Variants in SLCO6A1 observed in about 807,000 individuals in gnomAD.
SLCO6A1 encodes solute carrier organic anion transporter family member 6A1.
Under a neutral mutation model 72.7 loss-of-function variants are expected in SLCO6A1, and 65 were observed. That is an observed-to-expected ratio of 0.89 (90% confidence interval 0.73 to 1.10). SLCO6A1 has a LOEUF of 1.10. Ranked by LOEUF, SLCO6A1 falls within the 50% of genes least tolerant of loss-of-function variation. The probability of loss-of-function intolerance (pLI) is 0.00; values close to 1 mark genes in which losing one functional copy is unlikely to be tolerated. For synonymous variants in SLCO6A1, 314 were observed against 298.2 expected, an observed-to-expected ratio of 1.05 and a Z score of -0.55; for missense variants, 874 against 872.6, an observed-to-expected ratio of 1.00 and a Z score of -0.02.
At position 102,386,471 on chromosome 5, in the gene SLCO6A1, G is replaced by A. The variant is rs116074157; in HGVS notation, c.2017+2217C>T. Among the ~76,000 whole-genome samples, 1,050 of 152,252 alleles carry A rather than the reference G, an allele frequency of 6.9e-3. 8 individuals carry two copies. The highest frequency in any genetic ancestry group is 0.021 in the African/African-American group (864 of 41,560). On this transcript the variant is annotated intron_variant, in intron 12 of 13. Transcript: ENST00000506729. The stretch of plus-strand genomic sequence containing the variant: ...ATTGGGGTCTACTGGAGTGAGCCTG[G>A]ACCTTACGTCCATTGGAACCTAGGG...
At chr5:102,390,589 T>C (rs1746699195) in intron 11 of SLCO6A1, among the ~76,000 whole-genome samples, 1 of 152,100 alleles carries the variant, frequency 6.6e-6, no homozygotes, top group African/African-American at 2.4e-5. Context: ...TTGAAAACAT[T>C]AGATTCAATG....
intron 12 of SLCO6A1, among the ~76,000 whole-genome samples, chr5:102,388,081 T>C (rs1417645807): frequency 6.6e-6 from 1 of 152,144 alleles, no homozygotes; most frequent in Admixed American, 6.5e-5. Context: ...TAAGAGTGGC[T>C]TGATGTTCTC....
At position 102,380,904 on chromosome 5, in the gene SLCO6A1, T is replaced by A. The variant is rs183841725; in HGVS notation, c.2018-7410A>T. On this transcript the variant is annotated intron_variant, in intron 12 of 13. Coordinates refer to ENST00000506729, the MANE Select transcript of SLCO6A1 (RefSeq NM_173488.5). ...CTGAGTACTTTATTTAGAGTAAGCA[T>A]GCCAACCACCAGTCCATGGAATTCT... Among the ~76,000 whole-genome samples the A allele has an allele frequency of 2.7e-3, 405 of 152,046 alleles. 1 individual carries two copies. The highest frequency in any genetic ancestry group is 9.4e-3 in the African/African-American group (391 of 41,534).
intron 1 of SLCO6A1, among the ~76,000 whole-genome samples, chr5:102,484,826 TC>T (rs1561499806): frequency 6.6e-6 from 1 of 152,198 alleles, no homozygotes; most frequent in Non-Finnish European, 1.5e-5. Context: ...AGCCATACTA[TC>T]CTTAATAAAA....
chr5:102,401,510 G>C (rs1747396890), intron 9 of SLCO6A1, among the ~76,000 whole-genome samples: 1 of 152,086 alleles, frequency 6.6e-6, no homozygotes, highest in Non-Finnish European at 1.5e-5. Flanking sequence ...ACAGTTAAAA[G>C]TCTATAAAAT....
chr5:102,498,850 A>G lies in SLCO6A1; in HGVS notation c.-6T>C. On this transcript the variant is annotated 5_prime_UTR_variant, in exon 1 of 14. Transcript: ENST00000506729. ...CGGGCGACGCCTACGAACATGGCTCACCCTGGGCGGCTCCTGGCGACGCGG... is the reference window on the plus strand; with the variant it reads ...CGGGCGACGCCTACGAACATGGCTCGCCCTGGGCGGCTCCTGGCGACGCGG... The G allele has an allele frequency of 6.3e-7, 1 of 1,597,666 alleles. No homozygotes were observed. The highest frequency in any genetic ancestry group is 1.7e-5 in the Admixed American group (1 of 58,610).
intron 9 of SLCO6A1, among the ~76,000 whole-genome samples, chr5:102,401,589 G>T (rs1747400189): frequency 6.6e-6 from 1 of 152,066 alleles, no homozygotes; most frequent in African/African-American, 2.4e-5. Flanking sequence ...GCCAAATTCA[G>T]AGTTTACTTT....
At chr5:102,396,000 A>T (rs1272033154) in intron 10 of SLCO6A1, among the ~76,000 whole-genome samples, 5 of 151,596 alleles carry the variant, frequency 3.3e-5, no homozygotes, top group Non-Finnish European at 7.4e-5. Flanking sequence ...TTGCCTGTTC[A>T]CTCTGATGGT....
intron 4 of SLCO6A1, among the ~76,000 whole-genome samples, chr5:102,472,998 A>G (rs1751705599): frequency 6.6e-6 from 1 of 151,990 alleles, no homozygotes; most frequent in Non-Finnish European, 1.5e-5. Flanking sequence ...AAACCTCCCA[A>G]CAGAGGAAAG....
In SLCO6A1 at chr5:102,404,872, G is replaced by A. The variant is rs141187187; in HGVS notation, c.1627-5130C>T. Among the ~76,000 whole-genome samples the A allele has an allele frequency of 2.1e-3, 318 of 152,216 alleles. 3 individuals carry two copies. The highest frequency in any genetic ancestry group is 7.3e-3 in the African/African-American group (302 of 41,544). ...TTAAACCAAAGAGCAAGGATGAGAA[G>A]AGAGAAGTAAGTTCTACATTTGATG... On this transcript the variant is annotated intron_variant, in intron 9 of 13. Coordinates refer to ENST00000506729, the MANE Select transcript of SLCO6A1 (RefSeq NM_173488.5).
At chr5:102,466,811 A>T (rs1751337648) in intron 4 of SLCO6A1, among the ~76,000 whole-genome samples, 1 of 152,138 alleles carries the variant, frequency 6.6e-6, no homozygotes, top group Non-Finnish European at 1.5e-5. Context: ...GACCACATGT[A>T]TGTCTTCTTT....
intron 7 of SLCO6A1, among the ~76,000 whole-genome samples, chr5:102,425,657 G>T (rs1399486051): frequency 1.3e-5 from 2 of 152,102 alleles, no homozygotes; most frequent in East Asian, 1.9e-4. Flanking sequence ...CATGCTCATG[G>T]ATAGGAAGAA....
At chr5:102,406,750 A>G (rs1461095075) in intron 9 of SLCO6A1, among the ~76,000 whole-genome samples, 1 of 152,236 alleles carries the variant, frequency 6.6e-6, no homozygotes, top group Non-Finnish European at 1.5e-5. Flanking sequence ...TATTCTAAAA[A>G]AAAACATTAA....
At chr5:102,380,198 T>C (rs531507224) in intron 12 of SLCO6A1, among the ~76,000 whole-genome samples, 1 of 152,078 alleles carries the variant, frequency 6.6e-6, no homozygotes, top group South Asian at 2.1e-4. Context: ...TTCTTATATA[T>C]GTATATATTA....
rs754933039 is a variant in SLCO6A1, at chr5:102,477,850, C to A, written c.628G>T (p.Glu210Ter). The A allele has an allele frequency of 3.1e-6, 5 of 1,596,228 alleles. No individual in the cohort carries two copies. Among genetic ancestry groups the A allele is most frequent in the Non-Finnish European group, 8.5e-7 (1 of 1,171,404 alleles). ...TGGCAACCACTGACAACCTTTATTTCTTCGCAAATATCTTTTGAAAATACA... is the reference window on the plus strand; with the variant it reads ...TGGCAACCACTGACAACCTTTATTTATTCGCAAATATCTTTTGAAAATACA... Reference protein sequence around the residue: ...SKVGIEDICEEIKVVSGCQSS... With the variant: ...SKVGIEDICE Residue 210 changes from glutamate to a stop codon, truncating the protein, a stop_gained, in exon 3 of 14, where the codon GAA becomes TAA. Transcript: ENST00000506729. LOFTEE classifies it high-confidence loss of function.
intron 10 of SLCO6A1, 175 bp from the exon 11 acceptor site, chr5:102,391,220 C>G: frequency 1.7e-6 from 1 of 589,540 alleles, no homozygotes; most frequent in Non-Finnish European, 3.0e-6. Context: ...CCCCATTTCT[C>G]CATATCCTGC....
chr5:102,473,273 T>C (rs953267018), intron 4 of SLCO6A1, among the ~76,000 whole-genome samples: 1 of 151,956 alleles, frequency 6.6e-6, no homozygotes, highest in Non-Finnish European at 1.5e-5. Context: ...GGAATATACA[T>C]CATAATCAAG....
chr5:102,429,624 C>G (rs1239472030), intron 7 of SLCO6A1, among the ~76,000 whole-genome samples: 1 of 151,112 alleles, frequency 6.6e-6, no homozygotes, highest in Non-Finnish European at 1.5e-5. Flanking sequence ...AGGTGTGTGG[C>G]CTTACTTCTG....
intron 7 of SLCO6A1, among the ~76,000 whole-genome samples, chr5:102,437,800 A>G (rs1749625297): frequency 6.6e-6 from 1 of 152,108 alleles, no homozygotes; most frequent in East Asian, 1.9e-4. Context: ...TCCTATTAAT[A>G]TAGTCTCTTA....
Sources: gnomAD v4.1 joint callset for allele counts (sites outside exome capture counted in the v4.1 genomes callset) on GRCh38, gnomAD v4.1.1 for gene constraint, MANE v1.5 for transcripts, NCBI Gene and HGNC (gene_info 2026-07-23, HGNC 2026-07-21) for gene names.